The following LRRC49 variants were observed in gnomAD, a reference collection of about 807,000 sequenced individuals.
LRRC49 encodes the protein leucine rich repeat containing 49.
In LRRC49, 50 loss-of-function variants were observed where a neutral mutation model predicts 83.3. The ratio of observed to expected loss-of-function variants is 0.60; its 90% CI spans 0.48 to 0.76. The LOEUF is 0.76. Among genes scored for constraint, LRRC49 ranks in the 30% least tolerant of loss-of-function variants. The pLI is 0.00. For synonymous variants in LRRC49, 286 were observed against 283.3 expected (o/e 1.01, Z -0.10); for missense variants, 704 against 809.1 (o/e 0.87, Z 1.58).
chr15:70,990,899 T>G (rs1473603575), intron 11 of LRRC49, among the ~76,000 whole-genome samples: 1 of 152,208 alleles, frequency 6.6e-6, no homozygotes, highest in Non-Finnish European at 1.5e-5. Context: ...GTCTGAAGTT[T>G]AAACTTCACA....
At chr15:70,948,498 T>TG (rs1282951828) in intron 8 of LRRC49, among the ~76,000 whole-genome samples, 1 of 151,158 alleles carries the variant, frequency 6.6e-6, no homozygotes, top group Admixed American at 6.6e-5. Flanking sequence ...TAGCAAAGTT[T>TG]TTTTTTTTTT....
chr15:70,859,563 T>A, intron 1 of LRRC49: 2 of 666,566 alleles, frequency 3.0e-6, no homozygotes, highest in South Asian at 2.7e-5. Flanking sequence ...ATGCACCAGA[T>A]CAAGTATGAG....
At chr15:70,976,325 T>C in intron 9 of LRRC49, among the ~76,000 whole-genome samples, 1 of 152,236 alleles carries the variant, frequency 6.6e-6, no homozygotes, top group East Asian at 1.9e-4. Flanking sequence ...GTAAAAATTA[T>C]TGACCACCTC....
intron 14 of LRRC49, among the ~76,000 whole-genome samples, chr15:71,020,297 G>A (rs2038953975): frequency 6.6e-6 from 1 of 152,174 alleles, no homozygotes; most frequent in South Asian, 2.1e-4. Flanking sequence ...AAAGAAGATA[G>A]AGTATATGAG....
At chr15:70,898,297 A>T (rs1285714610) in intron 3 of LRRC49, 1 of 644,354 alleles carries the variant, frequency 1.6e-6, no homozygotes, top group Non-Finnish European at 2.8e-6. Flanking sequence ...CACGCAAAAT[A>T]GATTTTCAAT....
At chr15:70,904,850 T>C (rs2034237662) in intron 5 of LRRC49, 95 bp downstream of exon 5, 3 of 898,312 alleles carry the variant, frequency 3.3e-6, no homozygotes, top group African/African-American at 3.4e-5. Context: ...AAGAAATGAA[T>C]AGGCTAAAAT....
chr15:70,975,626 A>G (rs1450957255), intron 9 of LRRC49, among the ~76,000 whole-genome samples: 3 of 152,108 alleles, frequency 2.0e-5, no homozygotes, highest in Admixed American at 2.0e-4. Flanking sequence ...CCAGGAGGTC[A>G]AAGCTGCAGT....
Position 70,968,693 on chromosome 15 carries a change from G to A in LRRC49, c.921+4761G>A, listed in dbSNP as rs545631340. Among the ~76,000 whole-genome samples the A allele has an allele frequency of 1.8e-4, 27 of 152,138 alleles. No homozygotes were observed. In the South Asian group the frequency reaches 2.7e-3, roughly 15 times the overall value. ...CACCATTCTAAATGGCATGATTTGC[G>A]TTTCTCTAATGTGGTTTGCTTTGCA... On this transcript the variant is annotated intron_variant, in intron 9 of 15. Coordinates refer to ENST00000260382, the MANE Select transcript of LRRC49 (RefSeq NM_017691.5).
Position 70,963,834 on chromosome 15 carries a change from A to T in LRRC49, c.823A>T (p.Thr275Ser). The T allele has an allele frequency of 1.2e-6, 2 of 1,613,570 alleles. No homozygotes were observed. Among genetic ancestry groups the T allele is most frequent in the Non-Finnish European group, 1.7e-6 (2 of 1,179,680 alleles). The change falls in exon 9 of 16, where the codon ACC (threonine) becomes TCC (serine). Residue 275 changes from threonine to serine, a missense_variant. Physicochemically the swap from Thr to Ser is moderately conservative, Grantham distance 58. Around this residue, in one of 3 missense-constraint regions of LRRC49, gnomAD observed 261 missense variants for 330.5 expected, o/e 0.79. Transcript: ENST00000260382. ...LADSSSLSDI[T>S]FDGNPIAQES... ...TGACTCTTCTTCCCTCTCGGACATC[A>T]CCTTTGATGGCAATCCCATAGCTCA...
chr15:70,948,111 TG>T lies in LRRC49; in HGVS notation c.773+11290del, dbSNP rs1415907422. Among the ~76,000 whole-genome samples, 283 of 152,270 alleles carry T rather than the reference TG, an allele frequency of 1.9e-3. 4 individuals carry two copies. Among genetic ancestry groups the T allele is most frequent in the Non-Finnish European group, 5.1e-4 (35 of 68,012 alleles). On this transcript the variant is annotated intron_variant, in intron 8 of 15. Transcript: ENST00000260382. ...CCCATTTCCTGTGTGTGTGTATGTG[TG>T]TGCACACGTGTGTGTTCGTGTGTGT...
At chr15:70,986,328 TCTC>T (rs1657098399) in intron 11 of LRRC49, among the ~76,000 whole-genome samples, 1 of 151,996 alleles carries the variant, frequency 6.6e-6, no homozygotes, top group African/African-American at 2.4e-5. Context: ...GGTTTGTAGT[TCTC>T]CTTGAAGAGG....
At chr15:70,921,435 C>T (rs1189024052) in intron 7 of LRRC49, among the ~76,000 whole-genome samples, 1 of 152,146 alleles carries the variant, frequency 6.6e-6, no homozygotes, top group African/African-American at 2.4e-5. Flanking sequence ...ATGCTCTGTA[C>T]ATGTTTATGT....
At chr15:70,898,611 C>T (rs910291097) in intron 3 of LRRC49, among the ~76,000 whole-genome samples, 3 of 151,960 alleles carry the variant, frequency 2.0e-5, no homozygotes, top group African/African-American at 7.3e-5. Context: ...GATGAAACCC[C>T]ATCTGTAAAA....
At chr15:70,968,001 G>T (rs1239561440) in intron 9 of LRRC49, among the ~76,000 whole-genome samples, 13 of 149,108 alleles carry the variant, frequency 8.7e-5, no homozygotes, top group South Asian at 4.2e-4. Flanking sequence ...GTTTATTTTT[G>T]ATTATACTTT....
intron 7 of LRRC49, chr15:70,936,341 A>T (rs1288215760): frequency 6.5e-6 from 1 of 154,266 alleles, no homozygotes; most frequent in Non-Finnish European, 1.4e-5. Flanking sequence ...TAAAATTCTC[A>T]CTATTGTTTA....
chr15:70,883,065 A>G (rs1435302237), intron 2 of LRRC49, among the ~76,000 whole-genome samples: 2 of 152,226 alleles, frequency 1.3e-5, no homozygotes, highest in African/African-American at 2.4e-5. Flanking sequence ...CTATAGTCCA[A>G]CCTTTTATGA....
At chr15:70,960,871 G>A (rs534325671) in intron 8 of LRRC49, among the ~76,000 whole-genome samples, 1 of 152,156 alleles carries the variant, frequency 6.6e-6, no homozygotes, top group African/African-American at 2.4e-5. Flanking sequence ...CTTGGATTTG[G>A]CAATTAGTTT....
chr15:70,886,466 A>C (rs894536984), intron 2 of LRRC49, among the ~76,000 whole-genome samples: 4 of 152,226 alleles, frequency 2.6e-5, no homozygotes, highest in African/African-American at 9.6e-5. Context: ...AGCAGTGGAC[A>C]AAATTTTAAA....
chr15:70,892,475 T>C (rs979674433), upstream of LRRC49: 9 of 1,530,208 alleles, frequency 5.9e-6, no homozygotes, highest in Non-Finnish European at 6.1e-6. Flanking sequence ...TTCCTCCTCC[T>C]CCTCCCTGCG....
Sources: gnomAD v4.1 joint callset for allele counts (sites outside exome capture counted in the v4.1 genomes callset) on GRCh38, gnomAD v4.1.1 for gene constraint, gnomAD v4.1.1 regional missense constraint, MANE v1.5 for transcripts, NCBI Gene and HGNC (gene_info 2026-07-23, HGNC 2026-07-21) for gene names.